Variants in ERMAP observed in about 807,000 individuals in gnomAD.
ERMAP encodes erythroblast membrane associated protein (Scianna blood group).
In ERMAP, 34 loss-of-function variants were observed where a neutral mutation model predicts 49.5. The ratio of observed to expected loss-of-function variants is 0.69; its 90% CI spans 0.52 to 0.91. The LOEUF is 0.91. Ranked by LOEUF, ERMAP falls within the 40% of genes least tolerant of loss-of-function variation. The pLI is 0.00. For missense variants in ERMAP, 541 were observed against 582.6 expected, an observed-to-expected ratio of 0.93 and a Z score of 0.74; for synonymous variants, 214 against 232.2, an observed-to-expected ratio of 0.92 and a Z score of 0.71.
At chr1:42,832,594 C>T (rs1236455394) in intron 4 of ERMAP, among the ~76,000 whole-genome samples, 3 of 152,070 alleles carry the variant, frequency 2.0e-5, no homozygotes, top group African/African-American at 7.2e-5. Flanking sequence ...CTCAATCTCC[C>T]GACCTCAGGT....
intron 1 of ERMAP, among the ~76,000 whole-genome samples, chr1:42,821,669 A>G (rs1050056583): frequency 6.6e-6 from 1 of 152,216 alleles, no homozygotes; most frequent in African/African-American, 2.4e-5. Context: ...TGAGGACCTC[A>G]GGGAGCTTCA....
At chr1:42,835,695 T>C (rs1327470586) in intron 5 of ERMAP, 37 bp from the exon 6 acceptor site, 3 of 1,611,338 alleles carry the variant, frequency 1.9e-6, no homozygotes, top group South Asian at 2.2e-5. Flanking sequence ...GAAAAAGCCC[T>C]TCCTAAGCTG....
chr1:42,829,049 CATTT>C (rs1444114993), intron 2 of ERMAP, among the ~76,000 whole-genome samples: 1 of 152,154 alleles, frequency 6.6e-6, no homozygotes, highest in Non-Finnish European at 1.5e-5. Flanking sequence ...GAGCTTTTCT[CATTT>C]ACTTAACTTC....
Position 42,825,741 on chromosome 1 carries a change from G to A in ERMAP, c.-6+3G>A, listed in dbSNP as rs1654525791. ...AAGCGTCCCTGATCCAGAAGGTGGT[G>A]AGTCCTCCTCTCTCTCTTCATGCTT... On this transcript the variant is annotated splice_donor_region_variant and intron_variant, in intron 2 of 11. Transcript: ENST00000372517. 7.8e-7 allele frequency: 1 copy of A among 1,289,256 alleles called. No individual in the cohort carries two copies. Among genetic ancestry groups the A allele is most frequent in the South Asian group, 1.2e-5 (1 of 81,040 alleles). The allele number at this position is 1,289,256 out of a possible 1,614,324, so 79.9% of individuals were successfully genotyped here. A position where few individuals can be genotyped will look rare whatever the true frequency, so the allele number is the denominator to read the frequency against.
chr1:42,820,946 G>A (rs1287923458), intron 1 of ERMAP, among the ~76,000 whole-genome samples: 1 of 152,200 alleles, frequency 6.6e-6, no homozygotes, highest in African/African-American at 2.4e-5. Flanking sequence ...GGGAGGTAGA[G>A]CCAGGCCCTG....
chr1:42,827,643 G>A (rs1401863032), intron 2 of ERMAP, among the ~76,000 whole-genome samples: 1 of 152,196 alleles, frequency 6.6e-6, no homozygotes, highest in Non-Finnish European at 1.5e-5. Context: ...GCCCCAAACT[G>A]TGGCATATAC....
Position 42,843,159 on chromosome 1 carries a change from TG to T in ERMAP, c.1356del (p.Lys453ArgfsTer3), listed in dbSNP as rs1655117245. The T allele has an allele frequency of 1.9e-6, 3 of 1,614,078 alleles. No homozygotes were observed. The highest frequency in any genetic ancestry group is 2.5e-6 in the Non-Finnish European group (3 of 1,179,996). ...TTACTACCCCCGAAGGCCCCAGAGCTGAAGGATATAATCCTGTCCTTGCCCC... is the reference window on the plus strand; with the variant it reads ...TTACTACCCCCGAAGGCCCCAGAGCTAAGGATATAATCCTGTCCTTGCCCC... ...SSLLPPKAPE[L>X]KDIILSLPPD... On this transcript the variant is annotated frameshift_variant, in exon 12 of 12. Transcript: ENST00000372517. LOFTEE classifies it high-confidence loss of function.
rs1032253703 is a variant in ERMAP at position 42,819,100 on chromosome 1, C to A, written c.-122+1847C>A. Among the ~76,000 whole-genome samples, 1 of 151,334 alleles carries A rather than the reference C, an allele frequency of 6.6e-6. No individual in the cohort carries two copies. The highest frequency in any genetic ancestry group is 2.1e-4 in the South Asian group (1 of 4,812). On this transcript the variant is annotated intron_variant, in intron 1 of 11. Transcript: ENST00000372517. This position sits in a 1 kb window ranked among gnomAD's most constrained non-coding sequence, Gnocchi z 5.1. ...CTGGAAAAGTAGTGGTGCCACTGAG[C>A]CACTGTTGAAAGTGGAGAAGGTGTG...
intron 8 of ERMAP, 37 bp from the exon 9 acceptor site, chr1:42,839,996 C>T: frequency 1.9e-6 from 3 of 1,612,976 alleles, no homozygotes; most frequent in Non-Finnish European, 2.5e-6. Flanking sequence ...ACATAGAGGC[C>T]CTCCTTCTGA....
intron 4 of ERMAP, among the ~76,000 whole-genome samples, chr1:42,833,375 T>C (rs149683854): frequency 8.9e-4 from 135 of 152,360 alleles, no homozygotes; most frequent in African/African-American, 3.1e-3. Flanking sequence ...AAGACTTTTT[T>C]GTATATATGT....
intron 1 of ERMAP, 84 bp from the exon 2 acceptor site, chr1:42,825,530 AGGGACAGCG>A: frequency 8.3e-7 from 1 of 1,203,236 alleles, no homozygotes; most frequent in Non-Finnish European, 1.1e-6. Context: ...GCTGGTTTAC[AGGGACAGCG>A]AGAAGGGAGT....
intron 4 of ERMAP, among the ~76,000 whole-genome samples, chr1:42,833,068 G>A (rs1388073813): frequency 6.6e-6 from 1 of 152,230 alleles, no homozygotes; most frequent in Non-Finnish European, 1.5e-5. Flanking sequence ...GCACACTGGG[G>A]AATGTGTCCT....
intron 8 of ERMAP, 103 bp downstream of exon 8, chr1:42,839,024 C>CT (rs1186432720): frequency 1.3e-6 from 2 of 1,590,570 alleles, no homozygotes; most frequent in African/African-American, 2.7e-5. Flanking sequence ...GGAGGGGGTA[C>CT]TGGTAATTCA....
At chr1:42,827,401 C>T (rs1013864691) in intron 2 of ERMAP, among the ~76,000 whole-genome samples, 3 of 152,206 alleles carry the variant, frequency 2.0e-5, no homozygotes, top group Non-Finnish European at 4.4e-5. Context: ...TCTCAAACTC[C>T]TGGGCTCAAG....
chr1:42,825,921 G>A, intron 2 of ERMAP, 183 bp downstream of exon 2: 1 of 665,496 alleles, frequency 1.5e-6, no homozygotes, highest in Non-Finnish European at 2.1e-6. Flanking sequence ...TTGCTGGATG[G>A]GTTTTGTTGA....
rs535048939 is a variant in ERMAP at position 42,825,608 on chromosome 1, G to T, written c.-121-15G>T. Reference sequence around the variant, plus strand: ...ATTTCATAAAATATGAACTTTTCCCGGCCCACATCCCTAGGCCTTCCTGAT... The same window carrying T: ...ATTTCATAAAATATGAACTTTTCCCTGCCCACATCCCTAGGCCTTCCTGAT... On this transcript the variant is annotated splice_polypyrimidine_tract_variant and intron_variant, in intron 1 of 11. Transcript: ENST00000372517. The T allele has an allele frequency of 4.8e-5, 61 of 1,279,948 alleles. 1 individual carries two copies. In the South Asian group the frequency reaches 6.6e-4, roughly 14 times the overall value. The allele number at this position is 1,279,948 out of a possible 1,614,324, so 79.3% of individuals were successfully genotyped here.
chr1:42,831,221 T>G, intron 4 of ERMAP, 106 bp downstream of exon 4: 1 of 1,332,428 alleles, frequency 7.5e-7, no homozygotes, highest in Middle Eastern at 2.1e-4. Context: ...ATCTGCAGTG[T>G]AGTTTTTACT....
chr1:42,824,061 G>A (rs1654468869), intron 1 of ERMAP, among the ~76,000 whole-genome samples: 1 of 152,210 alleles, frequency 6.6e-6, no homozygotes, highest in South Asian at 2.1e-4. Context: ...TTCAGGGCAC[G>A]AGGCCGGGCG....
chr1:42,839,475 T>C (rs34337403), intron 8 of ERMAP: 150 of 169,588 alleles, frequency 8.8e-4, no homozygotes, highest in African/African-American at 3.3e-3. Context: ...CTGGGTGTGG[T>C]GGTGCACGCC....
Sources: gnomAD v4.1 joint callset for allele counts (sites outside exome capture counted in the v4.1 genomes callset) on GRCh38, gnomAD v4.1.1 for gene constraint, Gnocchi (gnomAD v3.1) non-coding constraint, MANE v1.5 for transcripts, NCBI Gene and HGNC (gene_info 2026-07-23, HGNC 2026-07-21) for gene names.